MAP3K9: variants seen among roughly 807,000 people sequenced by gnomAD.
MAP3K9 encodes mixed lineage kinase 1 (tyr and ser/thr specificity).
MAP3K9 carries 46 observed loss-of-function variants against 95.8 expected under a neutral mutation model. That is an observed-to-expected ratio of 0.48 (90% confidence interval 0.38 to 0.61). The LOEUF (loss-of-function observed/expected upper bound fraction) is 0.61. MAP3K9 is among the 20% of genes least tolerant of loss of function. The pLI is 0.00. For synonymous variants in MAP3K9, 533 were observed against 593.8 expected (o/e 0.90, Z 1.49); for missense variants, 1,296 against 1,474.3 (o/e 0.88, Z 1.98).
At chr14:70,804,459 G>A (rs936664636) in intron 1 of MAP3K9, among the ~76,000 whole-genome samples, 1 of 152,150 alleles carries the variant, frequency 6.6e-6, no homozygotes. Flanking sequence ...CATGGAGGGA[G>A]GAACATTCAT....
Position 70,748,982 on chromosome 14 carries a change from G to A in MAP3K9, c.1173C>T (p.His391=), listed in dbSNP as rs2054188840. 2 of 1,613,726 alleles carry A rather than the reference G, an allele frequency of 1.2e-6. No individual in the cohort carries two copies. The highest frequency in any genetic ancestry group is 1.7e-6 in the Non-Finnish European group (2 of 1,179,876). ...LMEDCWNPDP[H]SRPSFTNILD... The stretch of plus-strand genomic sequence containing the variant: ...GGATATTCGTGAAAGATGGTCGTGA[G>A]TGGGGATCAGGATTCCAGCAGTCTG... The change falls in exon 5 of 12, where the codon CAC becomes CAT. Residue 391 remains histidine, a synonymous_variant. Transcript: ENST00000554752.
At chr14:70,788,835 T>C (rs1026026623) in intron 2 of MAP3K9, among the ~76,000 whole-genome samples, 4 of 152,224 alleles carry the variant, frequency 2.6e-5, no homozygotes, top group African/African-American at 9.6e-5. Context: ...ATGCTCCGTT[T>C]ACCTTCCAAA....
intron 2 of MAP3K9, among the ~76,000 whole-genome samples, chr14:70,780,614 G>T (rs1448256103): frequency 6.6e-6 from 1 of 152,150 alleles, no homozygotes; most frequent in Admixed American, 6.5e-5. Flanking sequence ...TGCAAATTAA[G>T]CCCAGAAAAC....
chr14:70,741,186 G>A lies in MAP3K9; in HGVS notation c.1568-1022C>T, dbSNP rs142413346. On this transcript the variant is annotated intron_variant, in intron 6 of 11. Transcript: ENST00000554752. Reference sequence around the variant, plus strand: ...GCTTACTGCAACCTCCGCCTCCCAGGTTCAAGCAATTCTCCTGCCTCAGCC... The same window carrying A: ...GCTTACTGCAACCTCCGCCTCCCAGATTCAAGCAATTCTCCTGCCTCAGCC... Among the ~76,000 whole-genome samples the A allele has an allele frequency of 5.9e-3, 891 of 152,212 alleles. 13 individuals are homozygous for A. Among genetic ancestry groups the A allele is most frequent in the African/African-American group, 0.02 (841 of 41,532 alleles).
At position 70,766,022 on chromosome 14, in the gene MAP3K9, A is replaced by C. The variant is rs561503043; in HGVS notation, c.821-4840T>G. On this transcript the variant is annotated intron_variant, in intron 2 of 11. Coordinates refer to ENST00000554752, the MANE Select transcript of MAP3K9 (RefSeq NM_001284230.2). Reference sequence around the variant, plus strand: ...AAAGGAAAAGATACATTGGAACTAAAGACCCAGTGATTAACCAGATGTAGG... The same window carrying C: ...AAAGGAAAAGATACATTGGAACTAACGACCCAGTGATTAACCAGATGTAGG... Among the ~76,000 whole-genome samples, 3 of 152,216 alleles carry C rather than the reference A, an allele frequency of 2.0e-5. No individual in the cohort carries two copies. In the South Asian group the frequency reaches 6.2e-4, roughly 32 times the overall value.
At chr14:70,780,483 A>G (rs2054660419) in intron 2 of MAP3K9, among the ~76,000 whole-genome samples, 1 of 152,166 alleles carries the variant, frequency 6.6e-6, no homozygotes, top group Admixed American at 6.5e-5. Context: ...CAGAAGAATA[A>G]GCACCATCTC....
At chr14:70,770,902 G>A (rs1433880693) in intron 2 of MAP3K9, among the ~76,000 whole-genome samples, 1 of 152,078 alleles carries the variant, frequency 6.6e-6, no homozygotes, top group African/African-American at 2.4e-5. Context: ...TCCTTAGAAA[G>A]GACGCGTAGG....
Position 70,801,550 on chromosome 14 carries a change from C to T in MAP3K9, c.407-470G>A, listed in dbSNP as rs947427055. The stretch of plus-strand genomic sequence containing the variant: ...TACAGGCATGAGCCACTGCACCTGG[C>T]CGAGATCCTTTCTTTGAGACTTACT... On this transcript the variant is annotated intron_variant, in intron 1 of 11. Coordinates refer to ENST00000554752, the MANE Select transcript of MAP3K9 (RefSeq NM_001284230.2). Among the ~76,000 whole-genome samples, 3 of 152,214 alleles carry T rather than the reference C, an allele frequency of 2.0e-5. No homozygotes were observed. In the East Asian group the frequency reaches 5.8e-4, roughly 29 times the overall value.
In MAP3K9 at chr14:70,797,341, A is replaced by G. The variant is rs150743007; in HGVS notation, c.820+3326T>C. 6.3e-3 allele frequency among the ~76,000 whole-genome samples: 964 copies of G among 152,276 alleles called. 11 individuals carry two copies. The highest frequency in any genetic ancestry group is 0.021 in the African/African-American group (876 of 41,572). ...AGTTATGGCTCCCAAGCTGGAGGCA[A>G]TGGGCAAAGAAGTGGCATAACACTT... On this transcript the variant is annotated intron_variant, in intron 2 of 11. Transcript: ENST00000554752.
intron 2 of MAP3K9, among the ~76,000 whole-genome samples, chr14:70,782,054 T>C (rs144729280): frequency 2.8e-4 from 43 of 152,254 alleles, no homozygotes; most frequent in African/African-American, 1.0e-3. Context: ...AACTCTTGAA[T>C]CCTACCCCTT....
chr14:70,775,787 C>T (rs982820532), intron 2 of MAP3K9, among the ~76,000 whole-genome samples: 8 of 152,210 alleles, frequency 5.3e-5, no homozygotes, highest in African/African-American at 1.9e-4. Flanking sequence ...TCCACTAGAA[C>T]CCAGGAGGTC....
chr14:70,752,621 G>T (rs1185375842), intron 3 of MAP3K9, among the ~76,000 whole-genome samples: 1 of 152,128 alleles, frequency 6.6e-6, no homozygotes, highest in African/African-American at 2.4e-5. Flanking sequence ...TCCATTGCTT[G>T]CTCTTGGAAT....
intron 2 of MAP3K9, chr14:70,765,375 GT>G: frequency 1.9e-6 from 1 of 526,574 alleles, no homozygotes; most frequent in Non-Finnish European, 3.4e-6. Context: ...AGTGTACAGT[GT>G]TTATAAGGTC....
At chr14:70,791,788 G>A (rs1334521508) in intron 2 of MAP3K9, among the ~76,000 whole-genome samples, 1 of 152,216 alleles carries the variant, frequency 6.6e-6, no homozygotes, top group Non-Finnish European at 1.5e-5. Context: ...TACATTTTGT[G>A]CCACTTTATT....
In MAP3K9 at chr14:70,742,559, C is replaced by T; in HGVS notation, c.1359G>A (p.Arg453=). 1.2e-6 allele frequency: 2 copies of T among 1,614,164 alleles called. No individual in the cohort carries two copies. The highest frequency in any genetic ancestry group is 1.7e-6 in the Non-Finnish European group (2 of 1,180,028). The change falls in exon 6 of 12, where the codon CGG becomes CGA. Residue 453 remains arginine, a synonymous_variant. Transcript: ENST00000554752. ...ELRTWEEELT[R]AALQQKNQEE... is the part of the protein sequence containing the mutation. ...CCTGGTTCTTCTGCTGCAGTGCAGC[C>T]CGCGTCAGCTCCTCCTCCCAGGTGC...
At position 70,732,579 on chromosome 14, in the gene MAP3K9, C is replaced by G; in HGVS notation, c.2790G>C (p.Arg930Ser). 1 of 1,599,598 alleles carries G rather than the reference C, an allele frequency of 6.3e-7. No homozygotes were observed. Among genetic ancestry groups the G allele is most frequent in the Non-Finnish European group, 8.5e-7 (1 of 1,172,154 alleles). Reference sequence around the variant, plus strand: ...GGCTCAACCCATTGCTGGAGGGGCTCCTGCTGGCTAGGAGAGTCTCTGGCT... The same window carrying G: ...GGCTCAACCCATTGCTGGAGGGGCTGCTGCTGGCTAGGAGAGTCTCTGGCT... ...ALKPETLLAS[R>S]SPSSNGLSPS... The change falls in exon 11 of 12, where the codon AGG becomes AGC. Residue 930 changes from arginine to serine, a missense_variant. Coordinates refer to ENST00000554752, the MANE Select transcript of MAP3K9 (RefSeq NM_001284230.2).
In MAP3K9 at chr14:70,728,639, TC is replaced by T. The variant is rs1363766856; in HGVS notation, c.*1740del. 6.6e-6 allele frequency: 1 copy of T among 152,218 alleles called. No homozygotes were observed. The highest frequency in any genetic ancestry group is 1.5e-5 in the Non-Finnish European group (1 of 68,064). 9.4% of individuals were successfully genotyped at this position (152,218 alleles called of 1,614,324 possible). A position where few individuals can be genotyped will look rare whatever the true frequency, so the allele number is the denominator to read the frequency against. ...TTGGGCAATAAAACCAGTAGCGCCT[TC>T]CCGTCCAAGACTTGGTGGGCCCCTT... is the stretch of plus-strand genomic sequence containing the variant. On this transcript the variant is annotated 3_prime_UTR_variant, in exon 12 of 12. Transcript: ENST00000554752.
In MAP3K9 at chr14:70,732,988, C is replaced by A; in HGVS notation, c.2381G>T (p.Arg794Leu). 6.2e-7 allele frequency: 1 copy of A among 1,614,114 alleles called. No individual in the cohort carries two copies. Among genetic ancestry groups the A allele is most frequent in the Non-Finnish European group, 8.5e-7 (1 of 1,180,006 alleles). Residue 794 changes from arginine to leucine, a missense_variant, in exon 11 of 12, where the codon CGG (arginine) becomes CTG (leucine). By Grantham distance (102) the Arg-to-Leu change is moderately radical. Coordinates refer to ENST00000554752, the MANE Select transcript of MAP3K9 (RefSeq NM_001284230.2). ...EPPAREEKKR[R>L]EGLFQRSSRP... ...GCTGGACCTCTGAAAAAGACCCTCC[C>A]GTCTTTTCTTCTCCTCCCGGGCTGG...
chr14:70,809,300 C>A lies in MAP3K9; in HGVS notation c.-129G>T. On this transcript the variant is annotated 5_prime_UTR_variant, in exon 1 of 12. Coordinates refer to ENST00000554752, the MANE Select transcript of MAP3K9 (RefSeq NM_001284230.2). Reference sequence around the variant, plus strand: ...ACGGCGGCCGCAGGTAGGGCCCGGGCTGGCAGGGCTGGGAGAGCCGGCTCG... The same window carrying A: ...ACGGCGGCCGCAGGTAGGGCCCGGGATGGCAGGGCTGGGAGAGCCGGCTCG... The A allele has an allele frequency of 2.6e-6, 3 of 1,164,490 alleles. No individual in the cohort carries two copies. The highest frequency in any genetic ancestry group is 3.2e-6 in the Non-Finnish European group (3 of 923,412). 72.1% of individuals were successfully genotyped at this position (1,164,490 alleles called of 1,614,324 possible). A position where few individuals can be genotyped will look rare whatever the true frequency, so the allele number is the denominator to read the frequency against.
Sources: allele counts gnomAD v4.1 joint callset (sites outside exome capture counted in the v4.1 genomes callset), GRCh38; gene constraint gnomAD v4.1.1; transcripts MANE v1.5; gene names NCBI Gene and HGNC (gene_info 2026-07-23, HGNC 2026-07-21).